The following MYBBP1A variants were observed in gnomAD, a reference collection of about 807,000 sequenced individuals.
MYBBP1A encodes the protein MYB binding protein 1a.
A neutral mutation model predicts 136.3 loss-of-function variants in MYBBP1A; 147 were observed. The ratio of observed to expected loss-of-function variants is 1.08; its 90% CI spans 0.94 to 1.24. MYBBP1A has a LOEUF of 1.24. Ranked by LOEUF, MYBBP1A falls within the 50% of genes most tolerant of loss-of-function variation. The pLI is 0.00. For synonymous variants in MYBBP1A, 947 were observed against 735.8 expected, an observed-to-expected ratio of 1.29 and a Z score of -4.65; for missense variants, 2,060 against 1,727.4, an observed-to-expected ratio of 1.19 and a Z score of -3.41.
chr17:4,547,893 C>T (rs778784833), intron 13 of MYBBP1A, 65 bp downstream of exon 13: 12 of 1,330,856 alleles, frequency 9.0e-6, no homozygotes, highest in Admixed American at 5.8e-5. Context: ...AAAAGCCTCT[C>T]GGTAGGGGGC....
rs1906882130 is a variant in MYBBP1A at position 4,545,141 on chromosome 17, G to C, written c.2195C>G (p.Ser732Ter). 6.2e-7 allele frequency: 1 copy of C among 1,613,050 alleles called. No individual in the cohort carries two copies. Among genetic ancestry groups the C allele is most frequent in the African/African-American group, 1.3e-5 (1 of 74,846 alleles). Residue 732 changes from serine (S) to a stop codon, truncating the protein, a stop_gained, in exon 17 of 26, where the codon TCA (serine) becomes TGA (stop). Coordinates refer to ENST00000254718, the MANE Select transcript of MYBBP1A (RefSeq NM_014520.4). LOFTEE classifies it high-confidence loss of function. Reference protein sequence around the residue: ...KSEEGEDNRSSESEEESEGEE... With the variant: ...KSEEGEDNRS Reference sequence around the variant, plus strand: ...CCCCTCGCTCTCCTCTTCACTCTCTGAGCTTCTGTTGTCCTCACCTTCCTC... The same window carrying C: ...CCCCTCGCTCTCCTCTTCACTCTCTCAGCTTCTGTTGTCCTCACCTTCCTC...
Position 4,554,962 on chromosome 17 carries a change from G to A in MYBBP1A, c.199-6C>T. On this transcript the variant is annotated splice_polypyrimidine_tract_variant and splice_region_variant and intron_variant, in intron 1 of 25. Coordinates refer to ENST00000254718, the MANE Select transcript of MYBBP1A (RefSeq NM_014520.4). ...GCATATTTCATCTCGGACCCCTGCG[G>A]AACCAAGCACACCCTCGTGTTCAAT... is the stretch of plus-strand genomic sequence containing the variant. 1 of 1,613,356 alleles carries A rather than the reference G, an allele frequency of 6.2e-7. No individual in the cohort carries two copies. Among genetic ancestry groups the A allele is most frequent in the South Asian group, 1.1e-5 (1 of 91,066 alleles).
chr17:4,540,879 G>C (rs145868599), intron 24 of MYBBP1A, among the ~76,000 whole-genome samples: 1 of 148,102 alleles, frequency 6.8e-6, no homozygotes, highest in East Asian at 2.1e-4. Flanking sequence ...GCCAGCTTCC[G>C]GGAGCCCTGC....
Position 4,539,069 on chromosome 17 carries a change from G to A in MYBBP1A, c.*346C>T, listed in dbSNP as rs1362070793. 1 of 1,320,964 alleles carries A rather than the reference G, an allele frequency of 7.6e-7. No individual in the cohort carries two copies. The highest frequency in any genetic ancestry group is 1.1e-6 in the Non-Finnish European group (1 of 921,216). The allele number at this position is 1,320,964 out of a possible 1,614,324, so 81.8% of individuals were successfully genotyped here. A position where few individuals can be genotyped will look rare whatever the true frequency, so the allele number is the denominator to read the frequency against. On this transcript the variant is annotated 3_prime_UTR_variant, in exon 26 of 26. Transcript: ENST00000254718. ...TGGCTCCCTCACAGCAAAAAAGCCT[G>A]GGGGCAAAGAGGTGGCAGGCACGAG...
At position 4,544,620 on chromosome 17, in the gene MYBBP1A, C is replaced by T. The variant is rs1218674643; in HGVS notation, c.2508G>A (p.Val836=). Residue 836 remains valine (V), a synonymous_variant, in exon 19 of 26, where the codon GTG becomes GTA. Transcript: ENST00000254718. ...CCAGGGCATTCTCGGGCTGCTTGGT[C>T]ACTAGCACCTCCACCAGGTCCAGCA... ...IRVLDLVEVL[V]TKQPENALVL... 2 of 1,590,164 alleles carry T rather than the reference C, an allele frequency of 1.3e-6. No individual in the cohort carries two copies. The highest frequency in any genetic ancestry group is 2.3e-5 in the East Asian group (1 of 43,898).
intron 5 of MYBBP1A, among the ~76,000 whole-genome samples, chr17:4,553,596 A>G (rs1907732657): frequency 6.6e-6 from 1 of 152,272 alleles, no homozygotes; most frequent in Admixed American, 6.5e-5. Flanking sequence ...ACACTGAAAT[A>G]ATATTTTAGA....
chr17:4,539,943 A>G lies in MYBBP1A; in HGVS notation c.3459T>C (p.Asp1153=). The change falls in exon 26 of 26, where the codon GAT becomes GAC. Residue 1153 remains aspartate (D), a synonymous_variant. Transcript: ENST00000254718. ...GGGTGGCACTGGGGATCTCCTTGGC[A>G]TCCTTCTTCTCCAACTTGGGGCGCC... ...GVQRPKLEKK[D]AKEIPSATQS... is the part of the protein sequence containing the mutation. The G allele has an allele frequency of 6.3e-7, 1 of 1,598,856 alleles. No homozygotes were observed. Among genetic ancestry groups the G allele is most frequent in the South Asian group, 1.1e-5 (1 of 91,080 alleles).
In MYBBP1A at chr17:4,539,395, AG is replaced by A. The variant is rs749559751; in HGVS notation, c.*19del. 1.1e-4 allele frequency: 168 copies of A among 1,568,610 alleles called. No individual in the cohort carries two copies. Among genetic ancestry groups the A allele is most frequent in the Middle Eastern group, 7.1e-4 (4 of 5,672 alleles). On this transcript the variant is annotated 3_prime_UTR_variant, in exon 26 of 26. Transcript: ENST00000254718. ...CTCAGGCAGATGGAGGCAGGGGCTGAGGGGGGCCCGTACCTGTGCTCAGGGC... is the reference window on the plus strand; with the variant it reads ...CTCAGGCAGATGGAGGCAGGGGCTGAGGGGGCCCGTACCTGTGCTCAGGGC...
At position 4,554,222 on chromosome 17, in the gene MYBBP1A, T is replaced by G. The variant is rs761395772; in HGVS notation, c.351A>C (p.Glu117Asp). The G allele has an allele frequency of 6.2e-7, 1 of 1,614,060 alleles. No homozygotes were observed. Among genetic ancestry groups the G allele is most frequent in the South Asian group, 1.1e-5 (1 of 91,078 alleles). ...TCTTCACCTGATGCAGGTCATATTT[T>G]TCTTGTATCTGCTGCAGGATGCTGC... ...PLCSILQQIQ[E>D]KYDLHQVKKA... The change falls in exon 3 of 26, where the codon GAA becomes GAC. Residue 117 changes from glutamate to aspartate, a missense_variant. By Grantham distance (45) the Glu-to-Asp change is conservative. Coordinates refer to ENST00000254718, the MANE Select transcript of MYBBP1A (RefSeq NM_014520.4).
Position 4,545,667 on chromosome 17 carries a change from G to A in MYBBP1A, c.2016C>T (p.Ser672=), listed in dbSNP as rs200751093. The A allele has an allele frequency of 6.0e-5, 97 of 1,611,208 alleles. No individual in the cohort carries two copies. The Middle Eastern group carries it at 6.7e-4, about 11-fold the overall frequency. The change falls in exon 15 of 26, where the codon AGC becomes AGT. Residue 672 remains serine (S), a synonymous_variant. Coordinates refer to ENST00000254718, the MANE Select transcript of MYBBP1A (RefSeq NM_014520.4). ...GGTGGGAGCAGATGTGGCCAAACAC[G>A]CTCCGGGCCACCTGGCGCATGAGGT... The part of the protein sequence containing the change: ...PSHLMRQVAR[S]VFGHICSHLT...
rs754624758 is a variant in MYBBP1A, at chr17:4,553,841, G to T, written c.530C>A (p.Pro177His). The T allele has an allele frequency of 1.2e-6, 2 of 1,613,950 alleles. No homozygotes were observed. Among genetic ancestry groups the T allele is most frequent in the African/African-American group, 2.7e-5 (2 of 74,896 alleles). ...GAGGATGTCCACCAGGGCCTTCCGGGGCTGCTCCTGCAAGTGGTTTTGGTA... is the reference window on the plus strand; with the variant it reads ...GAGGATGTCCACCAGGGCCTTCCGGTGCTGCTCCTGCAAGTGGTTTTGGTA... The part of the protein sequence containing the change: ...AQYQNHLQEQ[P>H]RKALVDILSE... Residue 177 changes from proline to histidine, a missense_variant, in exon 5 of 26, where the codon CCC becomes CAC. Physicochemically the swap from Pro to His is moderately conservative, Grantham distance 77. Coordinates refer to ENST00000254718, the MANE Select transcript of MYBBP1A (RefSeq NM_014520.4).
At chr17:4,549,134 C>T (rs910197880) in intron 10 of MYBBP1A, among the ~76,000 whole-genome samples, 198 bp downstream of exon 10, 1 of 152,210 alleles carries the variant, frequency 6.6e-6, no homozygotes, top group Non-Finnish European at 1.5e-5. Context: ...CCTTTTAGGC[C>T]CCTGCAGCTG....
intron 13 of MYBBP1A, 142 bp from the exon 14 acceptor site, chr17:4,546,084 C>A (rs562731693): frequency 2.8e-6 from 2 of 713,628 alleles, no homozygotes; most frequent in South Asian, 3.5e-5. Context: ...CAGTCACCCC[C>A]ACAATCCAGA....
Position 4,544,765 on chromosome 17 carries a change from C to G in MYBBP1A, c.2467G>C (p.Asp823His), listed in dbSNP as rs551569281. 1.0e-5 allele frequency: 16 copies of G among 1,568,982 alleles called. No individual in the cohort carries two copies. In the African/African-American group the frequency reaches 1.8e-4, roughly 17 times the overall value. Residue 823 changes from aspartate (D) to histidine (H), a missense_variant, in exon 18 of 26, where the codon GAC (aspartate) becomes CAC (histidine). Transcript: ENST00000254718. Reference sequence around the variant, plus strand: ...CCCAGGCTCACCCGGATCTGGAAGTCGCGCCGCAGAGCCTTCTCCTTCTGC... The same window carrying G: ...CCCAGGCTCACCCGGATCTGGAAGTGGCGCCGCAGAGCCTTCTCCTTCTGC... ...KLQKEKALRR[D>H]FQIRVLDLVE...
rs536938551 is a variant in MYBBP1A at position 4,544,810 on chromosome 17, G to A, written c.2422C>T (p.Arg808Ter). The A allele has an allele frequency of 2.8e-5, 45 of 1,602,512 alleles. No individual in the cohort carries two copies. Among genetic ancestry groups the A allele is most frequent in the African/African-American group, 1.2e-4 (9 of 74,734 alleles). ...AEQKLRIQAR[R>*]DEKNKLQKEK... is the part of the protein sequence containing the mutation. The stretch of plus-strand genomic sequence containing the variant: ...TTCTGCAGCTTGTTCTTCTCGTCTC[G>A]CCGGGCCTGGATACGCAGCTTCTGC... The change falls in exon 18 of 26, where the codon CGA becomes TGA. Residue 808 changes from arginine to a stop codon, truncating the protein, a stop_gained. Coordinates refer to ENST00000254718, the MANE Select transcript of MYBBP1A (RefSeq NM_014520.4). LOFTEE classifies it high-confidence loss of function.
intron 19 of MYBBP1A, 78 bp from the exon 20 acceptor site, chr17:4,543,243 C>G: frequency 2.0e-6 from 3 of 1,487,100 alleles, no homozygotes; most frequent in Non-Finnish European, 2.7e-6. Context: ...AACCCAAGTC[C>G]CACTTTATAA....
chr17:4,547,948 G>C lies in MYBBP1A; in HGVS notation c.1824+10C>G. The C allele has an allele frequency of 6.8e-7, 1 of 1,472,678 alleles. No individual in the cohort carries two copies. The highest frequency in any genetic ancestry group is 1.4e-5 in the South Asian group (1 of 73,386). The allele number at this position is 1,472,678 out of a possible 1,614,324, so 91.2% of individuals were successfully genotyped here. On this transcript the variant is annotated intron_variant, in intron 13 of 25. Coordinates refer to ENST00000254718, the MANE Select transcript of MYBBP1A (RefSeq NM_014520.4). ...CAGGCTCACAGCCCCTCCCTCCCAG[G>C]CCCCAGTACCTTGAGGAGGTGGATG...
chr17:4,542,345 G>T, intron 22 of MYBBP1A, 119 bp downstream of exon 22: 1 of 1,181,302 alleles, frequency 8.5e-7, no homozygotes, highest in Non-Finnish European at 1.2e-6. Context: ...AGTGGGGCAG[G>T]GACAGCTGTG....
In MYBBP1A at chr17:4,555,349, A is replaced by AAACACGT. The variant is rs1459801282; in HGVS notation, c.-32_-26dup. The AAACACGT allele has an allele frequency of 3.8e-6, 6 of 1,579,630 alleles. No homozygotes were observed. The highest frequency in any genetic ancestry group is 5.2e-6 in the Non-Finnish European group (6 of 1,163,834). On this transcript the variant is annotated 5_prime_UTR_variant, in exon 1 of 26. Coordinates refer to ENST00000254718, the MANE Select transcript of MYBBP1A (RefSeq NM_014520.4). ...TCTCCGCCACACTCACCGAAACACG[A>AAACACGT]AACACGTGTGCTCCGGCCCCAGCCG...
Sources: gnomAD v4.1 joint callset for allele counts (sites outside exome capture counted in the v4.1 genomes callset) on GRCh38, gnomAD v4.1.1 for gene constraint, MANE v1.5 for transcripts, NCBI Gene and HGNC (gene_info 2026-07-23, HGNC 2026-07-21) for gene names.